B3GALT1: variants seen among roughly 807,000 people sequenced by gnomAD.
The protein encoded by B3GALT1 is UDP-Gal:betaGlcNAc beta 1,3-galactosyltransferase, polypeptide 1.
In B3GALT1, 10 loss-of-function variants were observed where a neutral mutation model predicts 23.2. That is an observed-to-expected ratio of 0.43 (90% CI 0.27 to 0.73). B3GALT1 has a LOEUF of 0.73. Ranked by LOEUF, B3GALT1 falls within the 30% of genes least tolerant of loss-of-function variation. The probability of loss-of-function intolerance (pLI) is 0.21; values close to 1 mark genes in which losing one functional copy is unlikely to be tolerated. For missense variants in B3GALT1, 299 were observed against 405.4 expected (o/e 0.74, Z 2.25); for synonymous variants, 156 against 141.5 (o/e 1.10, Z -0.73).
chr2:167,807,047 G>T (rs181650217), intron 3 of B3GALT1, among the ~76,000 whole-genome samples: 3,704 of 152,232 alleles, frequency 0.024, 74 homozygotes, highest in South Asian at 0.069. Context: ...TCTTGGGAGG[G>T]TGTATGTGTC....
rs191694452 is a variant in B3GALT1 at position 167,307,289 on chromosome 2, T to C, written c.-511+13955T>C. ...GGGGAATGAATGTGGTAACATTATC[T>C]CTCTTTATTGAAATGCATTTTATAT... is the stretch of plus-strand genomic sequence containing the variant. On this transcript the variant is annotated intron_variant, in intron 1 of 4. Coordinates refer to ENST00000392690, the MANE Select transcript of B3GALT1 (RefSeq NM_020981.4). Among the ~76,000 whole-genome samples, 578 of 152,170 alleles carry C rather than the reference T, an allele frequency of 3.8e-3. 2 individuals carry two copies. Among genetic ancestry groups the C allele is most frequent in the African/African-American group, 0.013 (544 of 41,562 alleles).
chr2:167,773,687 G>C (rs1009749352), intron 3 of B3GALT1, among the ~76,000 whole-genome samples: 1 of 152,210 alleles, frequency 6.6e-6, no homozygotes, highest in East Asian at 1.9e-4. Context: ...TCACTGCATG[G>C]AGACCGCTCA....
intron 1 of B3GALT1, among the ~76,000 whole-genome samples, chr2:167,329,336 T>C (rs1696939162): frequency 6.6e-6 from 1 of 152,230 alleles, no homozygotes; most frequent in Admixed American, 6.5e-5. Context: ...TATTCAGTTT[T>C]AGTTTTATTC....
At chr2:167,834,524 T>TTTTAC (rs1689418340) in intron 4 of B3GALT1, among the ~76,000 whole-genome samples, 1 of 152,236 alleles carries the variant, frequency 6.6e-6, no homozygotes, top group Non-Finnish European at 1.5e-5. Context: ...CTGCTGGCTC[T>TTTTAC]TTTACTTTGG....
intron 2 of B3GALT1, among the ~76,000 whole-genome samples, chr2:167,593,802 A>G (rs1347936521): frequency 2.6e-5 from 4 of 152,148 alleles, no homozygotes; most frequent in Non-Finnish European, 1.5e-5. Context: ...CAGTTTGGCA[A>G]GGATGCTTTC....
chr2:167,620,313 T>C (rs1270839783), intron 2 of B3GALT1, among the ~76,000 whole-genome samples: 2 of 152,042 alleles, frequency 1.3e-5, no homozygotes, highest in African/African-American at 2.4e-5. Context: ...AATTGATAAA[T>C]AGCCCATGTG....
At chr2:167,736,885 A>G (rs1024754512) in intron 3 of B3GALT1, among the ~76,000 whole-genome samples, 5 of 151,978 alleles carry the variant, frequency 3.3e-5, no homozygotes, top group Admixed American at 6.6e-5. Flanking sequence ...AGTGAGCCCA[A>G]TTTGCCACTG....
intron 2 of B3GALT1, among the ~76,000 whole-genome samples, chr2:167,552,444 A>G (rs1683765010): frequency 6.6e-6 from 1 of 152,244 alleles, no homozygotes; most frequent in Non-Finnish European, 1.5e-5. Context: ...AATACCATTT[A>G]AATTTCCATA....
intron 2 of B3GALT1, among the ~76,000 whole-genome samples, chr2:167,564,971 A>C (rs1488162512): frequency 5.9e-5 from 9 of 152,196 alleles, no homozygotes; most frequent in Admixed American, 5.9e-4. Context: ...CTATCAAGCT[A>C]CCAATGACTT....
intron 1 of B3GALT1, among the ~76,000 whole-genome samples, chr2:167,413,571 A>T (rs150932415): frequency 1.3e-5 from 2 of 151,962 alleles, no homozygotes; most frequent in South Asian, 4.1e-4. Flanking sequence ...TTTATAATGA[A>T]TGCATTCTGT....
chr2:167,478,246 T>G (rs1320326371), intron 1 of B3GALT1, among the ~76,000 whole-genome samples: 1 of 152,218 alleles, frequency 6.6e-6, no homozygotes, highest in Non-Finnish European at 1.5e-5. Flanking sequence ...GATCTTGTGT[T>G]CCCAATCCTT....
intron 2 of B3GALT1, among the ~76,000 whole-genome samples, chr2:167,545,714 C>T (rs10201243): frequency 0.16 from 24,668 of 151,980 alleles, 2,486 homozygotes; most frequent in East Asian, 0.47. Context: ...CATTCAAAGT[C>T]CCCACAGACT....
chr2:167,703,662 C>T (rs181414627), intron 3 of B3GALT1, among the ~76,000 whole-genome samples: 63 of 152,220 alleles, frequency 4.1e-4, no homozygotes, highest in African/African-American at 1.3e-3. Context: ...GTCACTTTTC[C>T]GCTAAGTGAC....
intron 3 of B3GALT1, among the ~76,000 whole-genome samples, chr2:167,798,281 T>G (rs1232969457): frequency 6.6e-6 from 1 of 152,232 alleles, no homozygotes; most frequent in Non-Finnish European, 1.5e-5. Context: ...AGAAGCTCTT[T>G]GGTTTAATTA....
intron 3 of B3GALT1, among the ~76,000 whole-genome samples, chr2:167,699,634 C>G (rs1574219844): frequency 6.6e-6 from 1 of 152,026 alleles, no homozygotes; most frequent in Non-Finnish European, 1.5e-5. Flanking sequence ...ATTATAGCAT[C>G]TCAGTCATCA....
chr2:167,566,292 C>T (rs551767069), intron 2 of B3GALT1, among the ~76,000 whole-genome samples: 3 of 150,946 alleles, frequency 2.0e-5, no homozygotes, highest in African/African-American at 4.9e-5. Flanking sequence ...ATAGATGGGA[C>T]TTGAACAATG....
At chr2:167,585,198 C>T (rs1009918948) in intron 2 of B3GALT1, among the ~76,000 whole-genome samples, 2 of 152,268 alleles carry the variant, frequency 1.3e-5, no homozygotes, top group African/African-American at 4.8e-5. Flanking sequence ...ATGAATTTTA[C>T]AATTATCACA....
chr2:167,390,669 C>A (rs1307375378), intron 1 of B3GALT1, among the ~76,000 whole-genome samples: 4 of 152,208 alleles, frequency 2.6e-5, no homozygotes, highest in Non-Finnish European at 2.9e-5. Context: ...TCTTCCGCAT[C>A]ATTCTCGATG....
intron 3 of B3GALT1, among the ~76,000 whole-genome samples, chr2:167,757,325 G>T (rs910478493): frequency 3.2e-4 from 48 of 152,102 alleles, no homozygotes; most frequent in African/African-American, 9.4e-4. Context: ...CCCCATGATG[G>T]TGGGTGTCCA....
Sources: allele counts gnomAD v4.1 joint callset (sites outside exome capture counted in the v4.1 genomes callset), GRCh38; gene constraint gnomAD v4.1.1; transcripts MANE v1.5; gene names NCBI Gene and HGNC (gene_info 2026-07-23, HGNC 2026-07-21).